SRGAP1: variants seen among roughly 807,000 people sequenced by gnomAD.
The protein encoded by SRGAP1 is SLIT-ROBO Rho GTPase-activating protein 1.
A neutral mutation model predicts 121.9 loss-of-function variants in SRGAP1; 43 were observed. The ratio of observed to expected loss-of-function variants is 0.35; its 90% CI spans 0.28 to 0.46. The LOEUF is 0.46. Among genes scored for constraint, SRGAP1 ranks in the 20% least tolerant of loss-of-function variants. The pLI is 1.00. For missense variants in SRGAP1, 1,102 were observed against 1,350.9 expected (o/e 0.82, Z 2.89); for synonymous variants, 447 against 485.4 (o/e 0.92, Z 1.04).
intron 6 of SRGAP1, among the ~76,000 whole-genome samples, chr12:64,046,188 G>T (rs547619840): frequency 4.1e-4 from 62 of 152,276 alleles, no homozygotes; most frequent in Middle Eastern, 3.4e-3. Flanking sequence ...CAGGATGGCT[G>T]CAGCTGAGCA....
At chr12:64,117,075 T>G in intron 18 of SRGAP1, among the ~76,000 whole-genome samples, 1 of 151,844 alleles carries the variant, frequency 6.6e-6, no homozygotes, top group South Asian at 2.1e-4. Context: ...TGGCCTGGAG[T>G]GGGAGAGCCT....
chr12:64,127,825 C>T lies in SRGAP1; in HGVS notation c.2541-36C>T, dbSNP rs776599424. ...TTGCAGTACTGCCCGGTGTGATAAG[C>T]TCTTCTGTTTTCTCCCTGTTTCTGT... On this transcript the variant is annotated intron_variant, in intron 20 of 21. Transcript: ENST00000355086. The T allele has an allele frequency of 6.3e-6, 10 of 1,598,790 alleles. No homozygotes were observed. The South Asian group carries it at 6.7e-5, about 11-fold the overall frequency.
chr12:63,901,399 C>T (rs762870292), intron 1 of SRGAP1, among the ~76,000 whole-genome samples: 7 of 152,312 alleles, frequency 4.6e-5, no homozygotes, highest in Non-Finnish European at 7.3e-5. Flanking sequence ...GATTTTGGTA[C>T]ATGCTGAGCT....
At chr12:63,992,607 T>C (rs1238768403) in intron 3 of SRGAP1, among the ~76,000 whole-genome samples, 3 of 150,562 alleles carry the variant, frequency 2.0e-5, no homozygotes, top group South Asian at 4.2e-4. Context: ...TCCCAGTAGT[T>C]GGAGGAATGA....
chr12:64,097,720 G>T, intron 15 of SRGAP1: 2 of 184,750 alleles, frequency 1.1e-5, no homozygotes, highest in Admixed American at 5.9e-5. Context: ...TTTGATTCTT[G>T]GTTTTTCTCA....
intron 8 of SRGAP1, among the ~76,000 whole-genome samples, chr12:64,069,694 G>T (rs1403310528): frequency 6.6e-6 from 1 of 151,944 alleles, no homozygotes; most frequent in African/African-American, 2.4e-5. Flanking sequence ...ACAGGGTCCC[G>T]CTCTGTCATC....
chr12:64,064,650 A>G (rs2035506108), intron 7 of SRGAP1, among the ~76,000 whole-genome samples: 1 of 152,168 alleles, frequency 6.6e-6, no homozygotes, highest in African/African-American at 2.4e-5. Context: ...GAGGTTTTGT[A>G]ACTTACCACA....
intron 17 of SRGAP1, among the ~76,000 whole-genome samples, chr12:64,113,125 A>G (rs566024639): frequency 4.0e-5 from 6 of 151,672 alleles, no homozygotes; most frequent in Non-Finnish European, 7.4e-5. Flanking sequence ...AAAAAAAAAA[A>G]GGCTGGGCGC....
chr12:64,027,431 A>G (rs2136481593), intron 4 of SRGAP1, among the ~76,000 whole-genome samples: 1 of 152,196 alleles, frequency 6.6e-6, no homozygotes, highest in South Asian at 2.1e-4. Context: ...AATTGCAGAG[A>G]GGAAAAGGTC....
At chr12:63,952,717 C>T (rs901328796) in intron 1 of SRGAP1, among the ~76,000 whole-genome samples, 4 of 152,122 alleles carry the variant, frequency 2.6e-5, no homozygotes, top group Non-Finnish European at 5.9e-5. Context: ...TGATGAAGCC[C>T]TTACAAAGAG....
In SRGAP1 at chr12:64,042,830, G is replaced by A; in HGVS notation, c.530G>A (p.Ser177Asn). 6.2e-7 allele frequency: 1 copy of A among 1,613,952 alleles called. No homozygotes were observed. Among genetic ancestry groups the A allele is most frequent in the African/African-American group, 1.3e-5 (1 of 75,036 alleles). ...TYHMYHAESI[S>N]AESKLKEAEK... ...CATATGTATCATGCAGAGAGCATCA[G>A]TGCAGAGAGCAAGCTGAAAGAGGCC... Residue 177 changes from serine (S) to asparagine (N), a missense_variant, in exon 5 of 22, where the codon AGT becomes AAT. Ser to Asn is a conservative substitution (Grantham distance 46). Around this residue, in one of 3 missense-constraint regions of SRGAP1, gnomAD observed 747 missense variants for 929.4 expected, o/e 0.80. Coordinates refer to ENST00000355086, the MANE Select transcript of SRGAP1 (RefSeq NM_020762.4).
chr12:64,099,393 T>A (rs987266964), intron 15 of SRGAP1, among the ~76,000 whole-genome samples: 2 of 152,206 alleles, frequency 1.3e-5, no homozygotes, highest in African/African-American at 4.8e-5. Flanking sequence ...TCCCGAAGGT[T>A]AGGAATTAGT....
In SRGAP1 at chr12:64,111,804, C is replaced by T. The variant is rs759624963; in HGVS notation, c.1962C>T (p.Asn654=). 2 of 1,613,834 alleles carry T rather than the reference C, an allele frequency of 1.2e-6. No homozygotes were observed. The highest frequency in any genetic ancestry group is 3.3e-5 in the Admixed American group (2 of 59,968). ...ATGAGAATATGATGGACCCTTATAA[C>T]CTGGCCATTTGCTTTGGCCCAACAT... ...YSDENMMDPY[N]LAICFGPTLM... Residue 654 remains asparagine, a synonymous_variant, in exon 17 of 22, where the codon AAC becomes AAT. Coordinates refer to ENST00000355086, the MANE Select transcript of SRGAP1 (RefSeq NM_020762.4).
At chr12:64,041,632 C>T (rs369823821) in intron 4 of SRGAP1, among the ~76,000 whole-genome samples, 16 of 151,756 alleles carry the variant, frequency 1.1e-4, no homozygotes, top group Admixed American at 2.6e-4. Context: ...GCAGTCCTCC[C>T]ACCTTGGCCT....
rs977038759 is a variant in SRGAP1 at position 64,153,539 on chromosome 12, C to T, written c.*10867C>T. 6.6e-6 allele frequency: 1 copy of T among 151,580 alleles called. No homozygotes were observed. The highest frequency in any genetic ancestry group is 1.5e-5 in the Non-Finnish European group (1 of 67,924). The allele number at this position is 151,580 out of a possible 1,614,324, so 9.4% of individuals were successfully genotyped here. Reference sequence around the variant, plus strand: ...GTTCAAGGAAAGCCATTGGAAGTTTCCAAAAAGGAACATGACAGCATCTAT... The same window carrying T: ...GTTCAAGGAAAGCCATTGGAAGTTTTCAAAAAGGAACATGACAGCATCTAT... On this transcript the variant is annotated 3_prime_UTR_variant, in exon 22 of 22. Coordinates refer to ENST00000355086, the MANE Select transcript of SRGAP1 (RefSeq NM_020762.4).
intron 1 of SRGAP1, among the ~76,000 whole-genome samples, chr12:63,883,514 C>CATATACAAA (rs1270787076): frequency 2.6e-5 from 4 of 152,108 alleles, no homozygotes; most frequent in African/African-American, 9.7e-5. Flanking sequence ...TGACATTTTG[C>CATATACAAA]ATATACAAAA....
In SRGAP1 at chr12:64,095,168, G is replaced by A; in HGVS notation, c.1642G>A (p.Val548Met). The change falls in exon 14 of 22, where the codon GTG becomes ATG. Residue 548 changes from valine (V) to methionine (M), a missense_variant. This residue lies in a region of SRGAP1 where 747 missense variants were observed against 929.4 expected (regional missense o/e 0.80). Transcript: ENST00000355086. The part of the protein sequence containing the change: ...QGIFRVSGSQ[V>M]EVNDIKNSFE... Reference sequence around the variant, plus strand: ...GATTTTCAGAGTGTCTGGTTCCCAGGTGGAAGTCAATGATATTAAAAATTC... The same window carrying A: ...GATTTTCAGAGTGTCTGGTTCCCAGATGGAAGTCAATGATATTAAAAATTC... 6.2e-7 allele frequency: 1 copy of A among 1,614,090 alleles called. No individual in the cohort carries two copies. The highest frequency in any genetic ancestry group is 8.5e-7 in the Non-Finnish European group (1 of 1,180,012).
At chr12:64,119,597 G>T (rs931075759) in intron 18 of SRGAP1, among the ~76,000 whole-genome samples, 1 of 151,578 alleles carries the variant, frequency 6.6e-6, no homozygotes, top group African/African-American at 2.4e-5. Context: ...TAAGTTTAAG[G>T]CTTAGCATTC....
chr12:64,049,656 C>T (rs1038275418), intron 6 of SRGAP1, among the ~76,000 whole-genome samples: 3 of 152,146 alleles, frequency 2.0e-5, no homozygotes, highest in African/African-American at 7.2e-5. Flanking sequence ...ATGTTCCTGG[C>T]ACTTTTGTTG....
Sources: allele counts gnomAD v4.1 joint callset (sites outside exome capture counted in the v4.1 genomes callset), GRCh38; gene constraint gnomAD v4.1.1; regional missense constraint gnomAD v4.1.1; transcripts MANE v1.5; gene names NCBI Gene and HGNC (gene_info 2026-07-23, HGNC 2026-07-21).